SLX4IP: variants seen among roughly 807,000 people sequenced by gnomAD.
SLX4IP encodes SLX4 interacting protein, also known as protein SLX4IP.
In SLX4IP, 34 loss-of-function variants were observed where a neutral mutation model predicts 32.9. That is an observed-to-expected ratio of 1.03 (90% CI 0.79 to 1.38). The LOEUF is 1.38. Ranked by LOEUF, SLX4IP falls within the 40% of genes most tolerant of loss-of-function variation. The pLI is 0.00. For missense variants in SLX4IP, 444 were observed against 479.0 expected (o/e 0.93, Z 0.68); for synonymous variants, 172 against 171.7 (o/e 1.00, Z -0.01).
chr20:10,454,456 T>G (rs2122337152), intron 1 of SLX4IP, among the ~76,000 whole-genome samples: 1 of 152,188 alleles, frequency 6.6e-6, no homozygotes, highest in East Asian at 1.9e-4. Flanking sequence ...TTCAGAAGAC[T>G]CCACCTTCTA....
At chr20:10,574,990 T>A (rs1033395693) in intron 4 of SLX4IP, among the ~76,000 whole-genome samples, 2 of 152,100 alleles carry the variant, frequency 1.3e-5, no homozygotes, top group Non-Finnish European at 2.9e-5. Context: ...TTTTTTTTAA[T>A]GAGTTGTTCC....
intron 2 of SLX4IP, among the ~76,000 whole-genome samples, chr20:10,477,914 T>C (rs1287503447): frequency 8.8e-6 from 1 of 114,276 alleles, no homozygotes; most frequent in African/African-American, 3.3e-5. Context: ...TTTTTTTTTT[T>C]TGAAACGGAG....
rs763000499 is a variant in SLX4IP at position 10,621,402 on chromosome 20, C to A, written c.494C>A (p.Ala165Asp). 19 of 1,613,972 alleles carry A rather than the reference C, an allele frequency of 1.2e-5. No homozygotes were observed. In the Admixed American group the frequency reaches 3.2e-4, roughly 27 times the overall value. ...LPPSAKLRRN[A>D]LKEIVKRTET... The stretch of plus-strand genomic sequence containing the variant: ...CCCAGTGCAAAGCTCCGGAGAAATG[C>A]TCTGAAAGAAATGTAGGTGCAATGT... Residue 165 changes from alanine to aspartate, a missense_variant, in exon 7 of 8, where the codon GCT becomes GAT. Coordinates refer to ENST00000334534, the MANE Select transcript of SLX4IP (RefSeq NM_001009608.3).
At chr20:10,598,923 T>G (rs2066807883) in intron 5 of SLX4IP, among the ~76,000 whole-genome samples, 171 bp downstream of exon 5, 1 of 152,224 alleles carries the variant, frequency 6.6e-6, no homozygotes, top group Non-Finnish European at 1.5e-5. Flanking sequence ...CTGTGTTTAC[T>G]GCCTCTCTAA....
At chr20:10,609,064 C>A (rs1600152867) in intron 6 of SLX4IP, among the ~76,000 whole-genome samples, 2 of 152,144 alleles carry the variant, frequency 1.3e-5, no homozygotes, top group East Asian at 3.9e-4. Flanking sequence ...GTTCTGTTAA[C>A]CAACATCCAG....
intron 2 of SLX4IP, among the ~76,000 whole-genome samples, chr20:10,535,095 A>G (rs1369264645): frequency 6.6e-6 from 1 of 152,030 alleles, no homozygotes; most frequent in East Asian, 1.9e-4. Flanking sequence ...CAGACTGGTA[A>G]TAGATTGAAA....
chr20:10,616,391 G>GAAATAAATAAAT (rs202239370), intron 6 of SLX4IP, among the ~76,000 whole-genome samples: 3 of 131,566 alleles, frequency 2.3e-5, no homozygotes, highest in African/African-American at 5.6e-5. Context: ...AAAAAAAAAT[G>GAAATAAATAAAT]AAATAAATAA....
intron 2 of SLX4IP, among the ~76,000 whole-genome samples, chr20:10,539,250 AG>A (rs1301241341): frequency 6.6e-6 from 1 of 152,226 alleles, no homozygotes; most frequent in African/African-American, 2.4e-5. Context: ...AAGAGACTGA[AG>A]GAAGAAACAT....
chr20:10,470,712 T>G (rs2065418107), intron 2 of SLX4IP, among the ~76,000 whole-genome samples: 1 of 152,318 alleles, frequency 6.6e-6, no homozygotes, highest in Admixed American at 6.5e-5. Context: ...ATGTACCAGG[T>G]CTAGCATCCG....
intron 2 of SLX4IP, among the ~76,000 whole-genome samples, chr20:10,503,823 A>G (rs949792663): frequency 4.6e-5 from 7 of 152,078 alleles, no homozygotes; most frequent in Non-Finnish European, 8.8e-5. Context: ...TTGTAAATGC[A>G]TTGCAATCTT....
chr20:10,592,042 GATTTT>G (rs1421416659), intron 4 of SLX4IP, among the ~76,000 whole-genome samples: 1 of 152,128 alleles, frequency 6.6e-6, no homozygotes, highest in African/African-American at 2.4e-5. Flanking sequence ...TATAAATAAT[GATTTT>G]ATTCATGAAA....
At chr20:10,449,792 A>G (rs942549112) in intron 1 of SLX4IP, among the ~76,000 whole-genome samples, 3 of 152,308 alleles carry the variant, frequency 2.0e-5, no homozygotes, top group African/African-American at 7.2e-5. Context: ...CAGGTAGCCT[A>G]TTTTACATTG....
chr20:10,494,597 C>A (rs1028427799), intron 2 of SLX4IP, among the ~76,000 whole-genome samples: 1 of 151,844 alleles, frequency 6.6e-6, no homozygotes, highest in Admixed American at 6.6e-5. Flanking sequence ...TTGTGCTAGA[C>A]GTTTGCCTGC....
At chr20:10,617,132 A>T (rs2067044614) in intron 6 of SLX4IP, among the ~76,000 whole-genome samples, 2 of 152,180 alleles carry the variant, frequency 1.3e-5, no homozygotes, top group Admixed American at 6.5e-5. Flanking sequence ...TTCCCACATG[A>T]TTTTGATGCA....
intron 6 of SLX4IP, among the ~76,000 whole-genome samples, chr20:10,604,662 C>G (rs1420303739): frequency 6.6e-6 from 1 of 152,256 alleles, no homozygotes; most frequent in Non-Finnish European, 1.5e-5. Context: ...GGAGGTCTGT[C>G]CCTGCTGTCA....
chr20:10,620,360 A>G (rs2067093738), intron 6 of SLX4IP, among the ~76,000 whole-genome samples: 1 of 152,168 alleles, frequency 6.6e-6, no homozygotes, highest in Non-Finnish European at 1.5e-5. Context: ...TTTTATAATT[A>G]CTTCCTTATG....
rs930780241 is a variant in SLX4IP, at chr20:10,458,245, A to C, written c.27+14A>C. On this transcript the variant is annotated intron_variant, in intron 2 of 7. Coordinates refer to ENST00000334534, the MANE Select transcript of SLX4IP (RefSeq NM_001009608.3). ...TTTGCTGTTAAAGTAAGTAATGTTT[A>C]ATAGCTTTTTAAAAAGAGGCTAATC... 17 of 1,575,142 alleles carry C rather than the reference A, an allele frequency of 1.1e-5. No individual in the cohort carries two copies. The East Asian group carries it at 3.9e-4, about 36-fold the overall frequency.
At position 10,613,623 on chromosome 20, in the gene SLX4IP, T is replaced by C. The variant is rs538863159; in HGVS notation, c.406-7691T>C. 141 of 1,613,936 alleles carry C rather than the reference T, an allele frequency of 8.7e-5. 2 individuals are homozygous for C. The highest frequency in any genetic ancestry group is 7.6e-4 in the South Asian group (69 of 91,070). ...CAACTCCTTTCTGCTCATTTCTGCT[T>C]CTTTGGCCTCTTCCTGAGCCCTCCT... On this transcript the variant is annotated intron_variant, in intron 6 of 7. Coordinates refer to ENST00000334534, the MANE Select transcript of SLX4IP (RefSeq NM_001009608.3).
chr20:10,484,678 A>G (rs1018484641), intron 2 of SLX4IP, among the ~76,000 whole-genome samples: 1 of 152,210 alleles, frequency 6.6e-6, no homozygotes, highest in African/African-American at 2.4e-5. Context: ...AATAAGTAAG[A>G]CATAGTCCTC....
Sources: gnomAD v4.1 joint callset for allele counts (sites outside exome capture counted in the v4.1 genomes callset) on GRCh38, gnomAD v4.1.1 for gene constraint, MANE v1.5 for transcripts, NCBI Gene and HGNC (gene_info 2026-07-23, HGNC 2026-07-21) for gene names.